Variants in ELOVL5 observed in about 807,000 individuals in gnomAD.
ELOVL5 encodes ELOVL fatty acid elongase 5.
ELOVL5 carries 8 observed loss-of-function variants against 38.6 expected under a neutral mutation model. The ratio of observed to expected loss-of-function variants is 0.21; its 90% CI spans 0.12 to 0.37. ELOVL5 has a LOEUF of 0.37. ELOVL5 is among the 10% of genes least tolerant of loss of function. The pLI, the probability that ELOVL5 is intolerant of heterozygous loss-of-function variation, is 1.00. For missense variants in ELOVL5, 280 were observed against 367.8 expected (o/e 0.76, Z 1.95); for synonymous variants, 127 against 133.7 (o/e 0.95, Z 0.34).
chr6:53,338,065 T>A (rs1428015472), intron 1 of ELOVL5, among the ~76,000 whole-genome samples: 1 of 151,902 alleles, frequency 6.6e-6, no homozygotes, highest in African/African-American at 2.4e-5. Context: ...TCAAAAGAAA[T>A]AGATGGGCTA....
At chr6:53,289,288 T>C (rs765003211) in intron 3 of ELOVL5, among the ~76,000 whole-genome samples, 1 of 152,208 alleles carries the variant, frequency 6.6e-6, no homozygotes, top group Non-Finnish European at 1.5e-5. Flanking sequence ...CACAGAAGAA[T>C]GGCTCTAACT....
chr6:53,329,314 A>G (rs1269851284), intron 1 of ELOVL5, among the ~76,000 whole-genome samples: 1 of 152,128 alleles, frequency 6.6e-6, no homozygotes, highest in Non-Finnish European at 1.5e-5. Context: ...CTTTATTATC[A>G]TACAGTAGGT....
chr6:53,302,172 C>G lies in ELOVL5; in HGVS notation c.-8-6465G>C, dbSNP rs139879201. 3.9e-5 allele frequency among the ~76,000 whole-genome samples: 6 copies of G among 152,160 alleles called. 1 individual carries two copies. Among genetic ancestry groups the G allele is most frequent in the Admixed American group, 3.9e-4 (6 of 15,280 alleles). On this transcript the variant is annotated intron_variant, in intron 1 of 7. Transcript: ENST00000304434. ...CAGAACAAAGAACAAAACCCAAAGC[C>G]CTAAAGAGAGTCCTGCTCATGTGGA...
At chr6:53,343,137 AC>A (rs1691909383) in intron 1 of ELOVL5, among the ~76,000 whole-genome samples, 1 of 152,110 alleles carries the variant, frequency 6.6e-6, no homozygotes, top group Admixed American at 6.5e-5. Flanking sequence ...TAAAGAGAAA[AC>A]CAGCAGCTTG....
chr6:53,289,739 C>T (rs773776323), intron 3 of ELOVL5, among the ~76,000 whole-genome samples: 20 of 152,158 alleles, frequency 1.3e-4, no homozygotes, highest in Admixed American at 3.3e-4. Flanking sequence ...AACAGAAAAA[C>T]GTGTAGCTAA....
chr6:53,347,658 A>G (rs532451271), intron 1 of ELOVL5, among the ~76,000 whole-genome samples: 2 of 152,264 alleles, frequency 1.3e-5, no homozygotes, highest in South Asian at 4.1e-4. Flanking sequence ...AATCCCATCT[A>G]GCACCTCTCG....
intron 1 of ELOVL5, among the ~76,000 whole-genome samples, chr6:53,347,040 G>C (rs1769577049): frequency 6.6e-6 from 1 of 152,186 alleles, no homozygotes; most frequent in Non-Finnish European, 1.5e-5. Flanking sequence ...AGGAAATTGA[G>C]TCAAGGAGGT....
chr6:53,298,998 A>T (rs1037949265), intron 1 of ELOVL5, among the ~76,000 whole-genome samples: 2 of 152,170 alleles, frequency 1.3e-5, no homozygotes, highest in Non-Finnish European at 2.9e-5. Context: ...TACTAATTAA[A>T]TACACAAATA....
At chr6:53,348,411 G>A (rs751042536) in intron 1 of ELOVL5, among the ~76,000 whole-genome samples, 3 of 152,146 alleles carry the variant, frequency 2.0e-5, no homozygotes, top group South Asian at 4.1e-4. Flanking sequence ...CGGCTCTCCC[G>A]CCGCGCGCTC....
At chr6:53,342,132 C>T (rs1489899831) in intron 1 of ELOVL5, among the ~76,000 whole-genome samples, 1 of 150,914 alleles carries the variant, frequency 6.6e-6, no homozygotes, top group Non-Finnish European at 1.5e-5. Flanking sequence ...CAGAAGCAAA[C>T]TCAAATTTTC....
At chr6:53,316,704 G>A (rs916168122) in intron 1 of ELOVL5, among the ~76,000 whole-genome samples, 1 of 151,240 alleles carries the variant, frequency 6.6e-6, no homozygotes, top group African/African-American at 2.4e-5. Flanking sequence ...GGCAAGGTGA[G>A]GGAGAGGGGG....
chr6:53,347,628 T>G (rs1769613280), intron 1 of ELOVL5, among the ~76,000 whole-genome samples: 1 of 152,114 alleles, frequency 6.6e-6, no homozygotes, highest in South Asian at 2.1e-4. Flanking sequence ...TAAAACAAAT[T>G]AGGCTGCTCG....
At position 53,273,343 on chromosome 6, in the gene ELOVL5, A is replaced by C. The variant is rs1561862148; in HGVS notation, c.498T>G (p.Ser166=). ...FVMNWVPCGH[S]YFGATLNSFI... is the part of the protein sequence containing the mutation. ...AGCTATTAAGTGTGGCACCAAAATA[A>C]GCTGCAGGAACAGAGGGATTTGGGA... The change falls in exon 6 of 8, where the codon TCT becomes TCG. Residue 166 remains serine, a splice_region_variant and synonymous_variant. Transcript: ENST00000304434. The C allele has an allele frequency of 1.2e-6, 2 of 1,613,574 alleles. No homozygotes were observed. The highest frequency in any genetic ancestry group is 1.7e-6 in the Non-Finnish European group (2 of 1,179,584).
At chr6:53,342,883 A>C (rs960556237) in intron 1 of ELOVL5, among the ~76,000 whole-genome samples, 4 of 152,224 alleles carry the variant, frequency 2.6e-5, no homozygotes, top group African/African-American at 9.7e-5. Flanking sequence ...GTGGGAATTT[A>C]GTCTTTCTAA....
At chr6:53,288,605 T>C (rs1703223643) in intron 3 of ELOVL5, among the ~76,000 whole-genome samples, 1 of 152,248 alleles carries the variant, frequency 6.6e-6, no homozygotes, top group Non-Finnish European at 1.5e-5. Flanking sequence ...CTCCTTTTAA[T>C]TTTGTTTCTA....
At chr6:53,309,144 A>G (rs1320856902) in intron 1 of ELOVL5, among the ~76,000 whole-genome samples, 2 of 152,188 alleles carry the variant, frequency 1.3e-5, no homozygotes, top group African/African-American at 2.4e-5. Flanking sequence ...CCAGGAGTCA[A>G]CAGTGGCCAA....
At position 53,268,997 on chromosome 6, in the gene ELOVL5, A is replaced by G; in HGVS notation, c.*130T>C. 1 of 1,057,836 alleles carries G rather than the reference A, an allele frequency of 9.5e-7. No individual in the cohort carries two copies. Among genetic ancestry groups the G allele is most frequent in the Non-Finnish European group, 1.4e-6 (1 of 727,908 alleles). 65.5% of individuals were successfully genotyped at this position (1,057,836 alleles called of 1,614,324 possible). A position where few individuals can be genotyped will look rare whatever the true frequency, so the allele number is the denominator to read the frequency against. ...TTTTCTAGGGGTTTTGAATTGATGA[A>G]AGAAGTCCTACATGAATCACACTAT... On this transcript the variant is annotated 3_prime_UTR_variant, in exon 8 of 8. Transcript: ENST00000304434.
At chr6:53,286,269 T>C (rs916222784) in intron 3 of ELOVL5, among the ~76,000 whole-genome samples, 50 of 152,288 alleles carry the variant, frequency 3.3e-4, no homozygotes, top group African/African-American at 1.2e-3. Context: ...ACAACTTGCA[T>C]AAACCCACAT....
Position 53,283,580 on chromosome 6 carries a change from A to G in ELOVL5, c.247-7324T>C, listed in dbSNP as rs529363523. On this transcript the variant is annotated intron_variant, in intron 3 of 7. Coordinates refer to ENST00000304434, the MANE Select transcript of ELOVL5 (RefSeq NM_021814.5). ...CTTCCATGTTATGGAATAAAAAAAGAGCAAGCAGTGAACTTTCAGAAGTAA... is the reference window on the plus strand; with the variant it reads ...CTTCCATGTTATGGAATAAAAAAAGGGCAAGCAGTGAACTTTCAGAAGTAA... 3.9e-5 allele frequency among the ~76,000 whole-genome samples: 6 copies of G among 152,356 alleles called. No individual in the cohort carries two copies. In the South Asian group the frequency reaches 1.2e-3, roughly 32 times the overall value.
Sources: gnomAD v4.1 joint callset for allele counts (sites outside exome capture counted in the v4.1 genomes callset) on GRCh38, gnomAD v4.1.1 for gene constraint, MANE v1.5 for transcripts, NCBI Gene and HGNC (gene_info 2026-07-23, HGNC 2026-07-21) for gene names.